The following GIGYF2 variants were observed in gnomAD, a reference collection of about 807,000 sequenced individuals.
GIGYF2 encodes GRB10-interacting GYF protein 2.
A neutral mutation model predicts 208.1 loss-of-function variants in GIGYF2; 25 were observed. The observed-to-expected ratio is 0.12, with a 90% confidence interval of 0.09 to 0.17. GIGYF2 has a LOEUF of 0.17. GIGYF2 is among the 10% of genes least tolerant of loss of function. The pLI, the probability that GIGYF2 is intolerant of heterozygous loss-of-function variation, is 1.00. For synonymous variants in GIGYF2, 534 were observed against 543.8 expected, an observed-to-expected ratio of 0.98 and a Z score of 0.25; for missense variants, 1,302 against 1,579.4, an observed-to-expected ratio of 0.82 and a Z score of 2.98.
chr2:232,753,750 A>G (rs1488858325), intron 5 of GIGYF2, among the ~76,000 whole-genome samples: 1 of 152,222 alleles, frequency 6.6e-6, no homozygotes, highest in Non-Finnish European at 1.5e-5. Context: ...TATAGAGGCC[A>G]GAATTCAGTC....
At chr2:232,727,878 C>T (rs754752152) in intron 2 of GIGYF2, among the ~76,000 whole-genome samples, 1 of 152,176 alleles carries the variant, frequency 6.6e-6, no homozygotes, top group South Asian at 2.1e-4. Context: ...TTACTTTGTT[C>T]AAAACCATCC....
intron 8 of GIGYF2, chr2:232,776,697 TAGG>T: frequency 1.9e-6 from 1 of 520,384 alleles, no homozygotes; most frequent in South Asian, 2.8e-5. Context: ...GCTGGTTTGT[TAGG>T]AGGTCTTTCT....
At chr2:232,826,936 A>G (rs1417109327) in intron 21 of GIGYF2, among the ~76,000 whole-genome samples, 2 of 152,230 alleles carry the variant, frequency 1.3e-5, no homozygotes, top group Non-Finnish European at 2.9e-5. Flanking sequence ...AAGACCATCA[A>G]AAAAGAATAC....
At chr2:232,771,043 G>A in intron 8 of GIGYF2, 2 of 1,614,098 alleles carry the variant, frequency 1.2e-6, no homozygotes, top group Non-Finnish European at 1.7e-6. Flanking sequence ...GAATGCAGCT[G>A]TGAAACTGGT....
At chr2:232,812,354 GACAAGA>G (rs777166234) in intron 17 of GIGYF2, 31 bp from the exon 18 acceptor site, 1 of 839,310 alleles carries the variant, frequency 1.2e-6, no homozygotes, top group Non-Finnish European at 2.1e-6. Context: ...TCCTGCAAAT[GACAAGA>G]ACAAGTTAAT....
intron 8 of GIGYF2, among the ~76,000 whole-genome samples, chr2:232,778,718 T>A (rs1699612970): frequency 6.6e-6 from 1 of 152,142 alleles, no homozygotes; most frequent in South Asian, 2.1e-4. Flanking sequence ...ACCAGATGAT[T>A]GAAGTTCTTA....
At chr2:232,856,729 G>A (rs902440021) in intron 28 of GIGYF2, 64 bp from the exon 29 acceptor site, 34 of 954,372 alleles carry the variant, frequency 3.6e-5, no homozygotes, top group South Asian at 3.2e-4. Context: ...CCAGCTCACC[G>A]CCTAGAATTT....
chr2:232,708,555 G>A (rs1696237433), intron 2 of GIGYF2, among the ~76,000 whole-genome samples: 1 of 151,936 alleles, frequency 6.6e-6, no homozygotes, highest in African/African-American at 2.4e-5. Flanking sequence ...TTGTCACTTG[G>A]CCAGGTGCAG....
chr2:232,768,173 T>A (rs1004804255), intron 8 of GIGYF2: 2 of 1,613,214 alleles, frequency 1.2e-6, no homozygotes, highest in African/African-American at 1.3e-5. Flanking sequence ...ATTTAATACA[T>A]TAAAAAATGG....
Position 232,781,212 on chromosome 2 carries a change from G to A in GIGYF2, c.533-5938G>A, listed in dbSNP as rs187443516. Reference sequence around the variant, plus strand: ...GACCTCAGGTGATCTGCCCGCCTCGGCCTCTGAAAGTGCTGGGATTATAGG... The same window carrying A: ...GACCTCAGGTGATCTGCCCGCCTCGACCTCTGAAAGTGCTGGGATTATAGG... On this transcript the variant is annotated intron_variant, in intron 8 of 28. Transcript: ENST00000373563. Among the ~76,000 whole-genome samples, 20 of 151,810 alleles carry A rather than the reference G, an allele frequency of 1.3e-4. No individual in the cohort carries two copies. In the East Asian group the frequency reaches 3.7e-3, roughly 28 times the overall value.
intron 28 of GIGYF2, among the ~76,000 whole-genome samples, chr2:232,855,621 A>AGT (rs919680915): frequency 3.3e-5 from 5 of 152,112 alleles, no homozygotes; most frequent in Non-Finnish European, 5.9e-5. Context: ...TCTTACCCTG[A>AGT]GTATCAAAAG....
chr2:232,832,870 C>G lies in GIGYF2; in HGVS notation c.2543C>G (p.Ala848Gly). The G allele has an allele frequency of 6.4e-7, 1 of 1,553,898 alleles. No homozygotes were observed. Among genetic ancestry groups the G allele is most frequent in the Non-Finnish European group, 8.7e-7 (1 of 1,148,408 alleles). ...CCTTCTGGAAAGGAAGAGGAGGCTG[C>G]AAAATGGGCCCGGGAAGAAGAAGAA... ...ELLRKQEEEA[A>G]KWAREEEEAQ... The change falls in exon 22 of 29, where the codon GCA becomes GGA. Residue 848 changes from alanine (A) to glycine (G), a missense_variant. By Grantham distance (60) the Ala-to-Gly change is moderately conservative. Around this residue, in one of 8 missense-constraint regions of GIGYF2, gnomAD observed 701 missense variants for 793.0 expected, o/e 0.88. Coordinates refer to ENST00000373563, the MANE Select transcript of GIGYF2 (RefSeq NM_001103146.3).
At chr2:232,789,837 T>A (rs1050720220) in intron 9 of GIGYF2, among the ~76,000 whole-genome samples, 1 of 151,956 alleles carries the variant, frequency 6.6e-6, no homozygotes, top group Non-Finnish European at 1.5e-5. Context: ...TTTCCCTTTC[T>A]TTTTTTTAGA....
At chr2:232,816,321 C>A (rs527692050) in intron 19 of GIGYF2, among the ~76,000 whole-genome samples, 1 of 152,292 alleles carries the variant, frequency 6.6e-6, no homozygotes, top group South Asian at 2.1e-4. Context: ...AGTGTTGTTG[C>A]TGTTTTATAC....
chr2:232,753,049 C>G (rs930117593), intron 5 of GIGYF2, among the ~76,000 whole-genome samples: 1 of 152,076 alleles, frequency 6.6e-6, no homozygotes, highest in Non-Finnish European at 1.5e-5. Flanking sequence ...ATTTCACACA[C>G]ACACACATAA....
chr2:232,729,464 T>G (rs1468771536), intron 2 of GIGYF2: 2 of 550,446 alleles, frequency 3.6e-6, no homozygotes, highest in Non-Finnish European at 5.1e-6. Flanking sequence ...TATTTTTAGG[T>G]TTTTTTTTTT....
Position 232,773,708 on chromosome 2 carries a change from A to C in GIGYF2, c.532+12272A>C, listed in dbSNP as rs369369132. Among the ~76,000 whole-genome samples, 42 of 152,220 alleles carry C rather than the reference A, an allele frequency of 2.8e-4. No individual in the cohort carries two copies. In the South Asian group the frequency reaches 8.5e-3, roughly 31 times the overall value. On this transcript the variant is annotated intron_variant, in intron 8 of 28. Coordinates refer to ENST00000373563, the MANE Select transcript of GIGYF2 (RefSeq NM_001103146.3). ...ATATATATATTGTTTAGCATGTGCC[A>C]GGAATCATACCAAATACTTCATATG... is the stretch of plus-strand genomic sequence containing the variant.
chr2:232,735,750 G>A (rs1697705948), intron 3 of GIGYF2: 2 of 985,614 alleles, frequency 2.0e-6, no homozygotes, highest in African/African-American at 1.7e-5. Context: ...ATTGACCTTT[G>A]AGTCTCTTAC....
At chr2:232,821,650 C>A (rs1480732574) in intron 21 of GIGYF2, among the ~76,000 whole-genome samples, 1 of 151,996 alleles carries the variant, frequency 6.6e-6, no homozygotes, top group African/African-American at 2.4e-5. Context: ...TATTTATTTT[C>A]CTAGGGGGAT....
Sources: gnomAD v4.1 joint callset for allele counts (sites outside exome capture counted in the v4.1 genomes callset) on GRCh38, gnomAD v4.1.1 for gene constraint, gnomAD v4.1.1 regional missense constraint, MANE v1.5 for transcripts, NCBI Gene and HGNC (gene_info 2026-07-23, HGNC 2026-07-21) for gene names.